Variants in RPS6KA2 observed in about 807,000 individuals in gnomAD.
RPS6KA2 encodes ribosomal protein S6 kinase A2.
Under a neutral mutation model 91.8 loss-of-function variants are expected in RPS6KA2, and 42 were observed. The ratio of observed to expected loss-of-function variants is 0.46; its 90% confidence interval spans 0.36 to 0.59. RPS6KA2 has a LOEUF of 0.59. RPS6KA2 is among the 20% of genes least tolerant of loss of function. RPS6KA2 has a pLI of 0.00. For synonymous variants in RPS6KA2, 414 were observed against 393.6 expected (o/e 1.05, Z -0.61); for missense variants, 798 against 978.5 (o/e 0.82, Z 2.46).
At chr6:166,608,019 A>AT (rs1383323613) in intron 1 of RPS6KA2, among the ~76,000 whole-genome samples, 1 of 151,850 alleles carries the variant, frequency 6.6e-6, no homozygotes, top group African/African-American at 2.4e-5. Context: ...CAGAAAGAAA[A>AT]AAAAAAAAAA....
intron 2 of RPS6KA2, among the ~76,000 whole-genome samples, chr6:166,723,823 C>A (rs542657730): frequency 6.6e-6 from 1 of 151,696 alleles, no homozygotes; most frequent in Non-Finnish European, 1.5e-5. Flanking sequence ...CCTCAGCCTC[C>A]TGAGTAGCTG....
At position 166,612,401 on chromosome 6, in the gene RPS6KA2, G is replaced by A. The variant is rs1786215498; in HGVS notation, c.99+14520C>T. 6.6e-6 allele frequency among the ~76,000 whole-genome samples: 1 copy of A among 152,166 alleles called. No homozygotes were observed. Among genetic ancestry groups the A allele is most frequent in the African/African-American group, 2.4e-5 (1 of 41,434 alleles). On this transcript the variant is annotated intron_variant, in intron 1 of 20. Coordinates refer to ENST00000265678, the MANE Select transcript of RPS6KA2 (RefSeq NM_021135.6). The surrounding 1 kb of genome is among the most constrained non-coding windows in gnomAD (Gnocchi z 4.3). ...ACTCTGAATTTGTAGTTTTCCTTAGGAGAAAGATGGCATGCACCCCTGGGT... is the reference window on the plus strand; with the variant it reads ...ACTCTGAATTTGTAGTTTTCCTTAGAAGAAAGATGGCATGCACCCCTGGGT...
At chr6:166,759,189 T>C (rs940316071) in intron 2 of RPS6KA2, among the ~76,000 whole-genome samples, 2 of 152,354 alleles carry the variant, frequency 1.3e-5, no homozygotes, top group East Asian at 1.9e-4. Flanking sequence ...AGAGGGACTT[T>C]CTAAGGGATC....
Position 166,557,935 on chromosome 6 carries a change from G to A in RPS6KA2, c.100-19151C>T, listed in dbSNP as rs930326646. Among the ~76,000 whole-genome samples the A allele has an allele frequency of 6.6e-6, 1 of 151,758 alleles. No individual in the cohort carries two copies. The highest frequency in any genetic ancestry group is 1.5e-5 in the Non-Finnish European group (1 of 67,940). ...TAGGTGATATGTGTGTATGTGTGTG[G>A]GTGTGGGTGTGTATAGAGATGTATA... On this transcript the variant is annotated intron_variant, in intron 1 of 20. Transcript: ENST00000265678. The surrounding 1 kb of genome is among the most constrained non-coding windows in gnomAD (Gnocchi z 4.8).
intron 1 of RPS6KA2, among the ~76,000 whole-genome samples, chr6:166,571,235 A>G (rs1284126570): frequency 6.6e-6 from 1 of 152,216 alleles, no homozygotes; most frequent in Non-Finnish European, 1.5e-5. Flanking sequence ...ATCAGGTGAA[A>G]AATCGAGTCC....
At chr6:166,800,622 C>T (rs530018887) in intron 2 of RPS6KA2, among the ~76,000 whole-genome samples, 1 of 152,260 alleles carries the variant, frequency 6.6e-6, no homozygotes, top group African/African-American at 2.4e-5. Flanking sequence ...CACCAGACAC[C>T]GAACCTACAG....
intron 2 of RPS6KA2, among the ~76,000 whole-genome samples, chr6:166,646,656 T>A (rs1450384730): frequency 2.6e-5 from 4 of 152,220 alleles, no homozygotes; most frequent in African/African-American, 9.6e-5. Context: ...TCAGGGACCT[T>A]CTTCGTTTCA....
chr6:166,664,340 A>C (rs745912694), intron 2 of RPS6KA2, among the ~76,000 whole-genome samples: 12 of 152,256 alleles, frequency 7.9e-5, no homozygotes, highest in Non-Finnish European at 1.3e-4. Flanking sequence ...GAAAGTAAAC[A>C]CTTTAAGTTT....
chr6:166,472,150 G>A (rs143895734), intron 10 of RPS6KA2, among the ~76,000 whole-genome samples: 4 of 152,122 alleles, frequency 2.6e-5, no homozygotes, highest in African/African-American at 7.2e-5. Context: ...ACTGTTGGAC[G>A]CATGGCCAGA....
intron 2 of RPS6KA2, among the ~76,000 whole-genome samples, chr6:166,768,826 C>A (rs979253490): frequency 1.3e-5 from 2 of 152,186 alleles, no homozygotes; most frequent in African/African-American, 4.8e-5. Flanking sequence ...AATCTGGAAA[C>A]ACTGCCAGGA....
intron 8 of RPS6KA2, among the ~76,000 whole-genome samples, chr6:166,491,790 T>G (rs57048126): frequency 6.6e-6 from 1 of 152,200 alleles, no homozygotes; most frequent in African/African-American, 2.4e-5. Flanking sequence ...ATATCCAAAC[T>G]TAACATTTGT....
chr6:166,824,617 CTG>C (rs1247698828), intron 2 of RPS6KA2, among the ~76,000 whole-genome samples: 1 of 145,096 alleles, frequency 6.9e-6, no homozygotes, highest in Non-Finnish European at 1.5e-5. Flanking sequence ...ATGTGTGTGT[CTG>C]TGTGTCTATG....
intron 2 of RPS6KA2, among the ~76,000 whole-genome samples, chr6:166,703,013 GT>G (rs1184895599): frequency 6.6e-6 from 1 of 152,122 alleles, no homozygotes; most frequent in Non-Finnish European, 1.5e-5. Flanking sequence ...TCCGAGGCTT[GT>G]TTTTCCTTGT....
intron 6 of RPS6KA2, among the ~76,000 whole-genome samples, chr6:166,502,259 A>G (rs1437015472): frequency 6.6e-6 from 1 of 152,276 alleles, no homozygotes; most frequent in Non-Finnish European, 1.5e-5. Flanking sequence ...AGTTAAAAAA[A>G]TAACCACTAT....
At chr6:166,522,765 C>G (rs557105860) in intron 3 of RPS6KA2, among the ~76,000 whole-genome samples, 1 of 152,160 alleles carries the variant, frequency 6.6e-6, no homozygotes, top group Non-Finnish European at 1.5e-5. Context: ...CGGACTTCCA[C>G]GAGCCATCGT....
chr6:166,737,941 T>C lies in RPS6KA2; in HGVS notation c.123+120259A>G, dbSNP rs77970645. On this transcript the variant is annotated intron_variant, in intron 2 of 21. Coordinates refer to the RPS6KA2 transcript ENST00000503859. The surrounding 1 kb of genome is among the most constrained non-coding windows in gnomAD (Gnocchi z 4.3). ...AAAAGTATACAAAGTAAAATAAAAA[T>C]GTCATGCCATCGCTCAGAGAGAATC... 0.027 allele frequency among the ~76,000 whole-genome samples: 4,124 copies of C among 152,276 alleles called. 166 individuals are homozygous for C. The highest frequency in any genetic ancestry group is 0.092 in the African/African-American group (3,805 of 41,530).
chr6:166,412,694 C>A lies in RPS6KA2; in HGVS notation c.*68G>T. 1 of 1,474,102 alleles carries A rather than the reference C, an allele frequency of 6.8e-7. No individual in the cohort carries two copies. The highest frequency in any genetic ancestry group is 1.3e-5 in the South Asian group (1 of 77,704). The allele number at this position is 1,474,102 out of a possible 1,614,324, so 91.3% of individuals were successfully genotyped here. A position where few individuals can be genotyped will look rare whatever the true frequency, so the allele number is the denominator to read the frequency against. On this transcript the variant is annotated 3_prime_UTR_variant, in exon 21 of 21. Coordinates refer to ENST00000265678, the MANE Select transcript of RPS6KA2 (RefSeq NM_021135.6). The surrounding 1 kb of genome is among the most constrained non-coding windows in gnomAD (Gnocchi z 4.3). ...GTGGTCACTCTGGGTGCCAGACGGG[C>A]TCCGAGGCCGGGGTCTGTGAGCCCA...
intron 1 of RPS6KA2, among the ~76,000 whole-genome samples, chr6:166,858,811 G>A (rs1360846203): frequency 6.6e-6 from 1 of 152,254 alleles, no homozygotes. Flanking sequence ...CTGGGTCTGA[G>A]TCTTTGGTTT....
chr6:166,515,097 G>C (rs1295121437), intron 3 of RPS6KA2, among the ~76,000 whole-genome samples: 2 of 152,194 alleles, frequency 1.3e-5, no homozygotes, highest in Non-Finnish European at 2.9e-5. Context: ...ACCTCGGTAG[G>C]GTTACTGTTG....
Sources: gnomAD v4.1 joint callset for allele counts (sites outside exome capture counted in the v4.1 genomes callset) on GRCh38, gnomAD v4.1.1 for gene constraint, Gnocchi (gnomAD v3.1) non-coding constraint, MANE v1.5 for transcripts, NCBI Gene and HGNC (gene_info 2026-07-23, HGNC 2026-07-21) for gene names.